The following LRCH3 variants were observed in gnomAD, a reference collection of about 807,000 sequenced individuals.
The protein encoded by LRCH3 is DISP complex protein LRCH3.
Under a neutral mutation model 104.5 loss-of-function variants are expected in LRCH3, and 68 were observed. The observed-to-expected ratio is 0.65, with a 90% CI of 0.54 to 0.80. The LOEUF is 0.80. Ranked by LOEUF, LRCH3 falls within the 30% of genes least tolerant of loss-of-function variation. The pLI, the probability that LRCH3 is intolerant of heterozygous loss-of-function variation, is 0.00. For synonymous variants in LRCH3, 344 were observed against 361.3 expected, an observed-to-expected ratio of 0.95 and a Z score of 0.54; for missense variants, 951 against 953.9, an observed-to-expected ratio of 1.00 and a Z score of 0.04.
At chr3:197,869,528 T>C (rs1308433330) in intron 17 of LRCH3, among the ~76,000 whole-genome samples, 1 of 147,516 alleles carries the variant, frequency 6.8e-6, no homozygotes, top group Non-Finnish European at 1.5e-5. Flanking sequence ...AGCCGTGCAC[T>C]GTACCTGCAG....
chr3:197,880,425 G>A, intron 20 of LRCH3: 1 of 1,000,790 alleles, frequency 1.0e-6, no homozygotes, highest in Non-Finnish European at 1.5e-6. Context: ...TGACTGAGAT[G>A]ATCATATGAA....
rs76401259 is a variant in LRCH3 at position 197,863,171 on chromosome 3, G to A, written c.1717-2252G>A. ...TTATGTCCAGAAATGTGCCTTAGTCGTATCATAAAGTTATAATATATTTAG... is the reference window on the plus strand; with the variant it reads ...TTATGTCCAGAAATGTGCCTTAGTCATATCATAAAGTTATAATATATTTAG... On this transcript the variant is annotated intron_variant, in intron 15 of 20. Transcript: ENST00000425562. Among the ~76,000 whole-genome samples, 65 of 152,196 alleles carry A rather than the reference G, an allele frequency of 4.3e-4. 2 individuals are homozygous for A. The East Asian group carries it at 7.3e-3, about 17-fold the overall frequency.
Position 197,854,588 on chromosome 3 carries a change from A to G in LRCH3, c.1644+143A>G. 2.5e-6 allele frequency: 2 copies of G among 796,270 alleles called. No homozygotes were observed. The highest frequency in any genetic ancestry group is 3.4e-4 in the Middle Eastern group (1 of 2,914). 49.3% of individuals were successfully genotyped at this position (796,270 alleles called of 1,614,324 possible). A position where few individuals can be genotyped will look rare whatever the true frequency, so the allele number is the denominator to read the frequency against. On this transcript the variant is annotated intron_variant, in intron 14 of 20. Transcript: ENST00000425562. The surrounding 1 kb of genome is among the most constrained non-coding windows in gnomAD (Gnocchi z 4.5). ...AAGAACTAAACCATTTTCCCACATG[A>G]CCATTTGTGATTGACCCAGTGTTTC...
intron 8 of LRCH3, among the ~76,000 whole-genome samples, chr3:197,833,364 CG>C (rs1560556468): frequency 2.8e-4 from 1 of 3,590 alleles, no homozygotes; most frequent in Non-Finnish European, 5.3e-4. Context: ...TACTAAAAAC[CG>C]AAAAAAAAAA....
intron 2 of LRCH3, among the ~76,000 whole-genome samples, chr3:197,815,350 A>G (rs1733684062): frequency 6.6e-6 from 1 of 152,230 alleles, no homozygotes; most frequent in Non-Finnish European, 1.5e-5. Context: ...AGCCTAGCCT[A>G]CTTTAAATGT....
chr3:197,792,571 C>G (rs1730654779), intron 1 of LRCH3, among the ~76,000 whole-genome samples: 1 of 11,792 alleles, frequency 8.5e-5, no homozygotes, highest in Non-Finnish European at 1.7e-4. Context: ...CCACGCCCAG[C>G]TAATTTTATA....
At chr3:197,845,766 G>A (rs973032753) in intron 10 of LRCH3, among the ~76,000 whole-genome samples, 1 of 152,104 alleles carries the variant, frequency 6.6e-6, no homozygotes, top group African/African-American at 2.4e-5. Context: ...TTAGCCGAGT[G>A]TGGTGGCGCA....
chr3:197,819,728 A>G (rs1734270358), intron 3 of LRCH3, among the ~76,000 whole-genome samples: 2 of 152,186 alleles, frequency 1.3e-5, no homozygotes, highest in South Asian at 4.1e-4. Context: ...AAAAAAAGAA[A>G]AAAAAAAGTC....
In LRCH3 at chr3:197,817,154, CTCTT is replaced by C; in HGVS notation, c.408-18_408-15del. 6.3e-7 allele frequency: 1 copy of C among 1,581,276 alleles called. No homozygotes were observed. The highest frequency in any genetic ancestry group is 2.4e-5 in the East Asian group (1 of 42,368). Reference sequence around the variant, plus strand: ...TTCAGTGGTGGACTCTGATTCTTCTCTCTTTCTACTTACCCATTTAGTCGGAACC... The same window carrying C: ...TTCAGTGGTGGACTCTGATTCTTCTCTCTACTTACCCATTTAGTCGGAACC... On this transcript the variant is annotated intron_variant, in intron 2 of 20. Coordinates refer to ENST00000425562, the MANE Select transcript of LRCH3 (RefSeq NM_001365715.1).
rs576204856 is a variant in LRCH3, at chr3:197,856,895, G to A, written c.1645-1939G>A. Among the ~76,000 whole-genome samples, 6 of 152,252 alleles carry A rather than the reference G, an allele frequency of 3.9e-5. No individual in the cohort carries two copies. In the East Asian group the frequency reaches 1.2e-3, roughly 29 times the overall value. ...TTATTAAATTGTTTTGTGATGAAAAGGTCTGATGAACGATATCATAAGGTA... is the reference window on the plus strand; with the variant it reads ...TTATTAAATTGTTTTGTGATGAAAAAGTCTGATGAACGATATCATAAGGTA... On this transcript the variant is annotated intron_variant, in intron 14 of 20. Transcript: ENST00000425562. This position sits in a 1 kb window ranked among gnomAD's most constrained non-coding sequence, Gnocchi z 4.2.
At chr3:197,836,236 A>C (rs1480350582) in intron 9 of LRCH3, among the ~76,000 whole-genome samples, 1 of 152,258 alleles carries the variant, frequency 6.6e-6, no homozygotes, top group Non-Finnish European at 1.5e-5. Flanking sequence ...GGCAACATGC[A>C]GACTTAACCA....
intron 14 of LRCH3, among the ~76,000 whole-genome samples, chr3:197,858,262 A>C (rs1740503684): frequency 6.6e-6 from 1 of 152,140 alleles, no homozygotes. Context: ...AATACAGCTA[A>C]CCAGTTGTTA....
chr3:197,843,951 T>C (rs1270077849), intron 10 of LRCH3, among the ~76,000 whole-genome samples: 1 of 152,214 alleles, frequency 6.6e-6, no homozygotes, highest in South Asian at 2.1e-4. Context: ...CAAGCATGTT[T>C]CAGGTACTGC....
chr3:197,864,878 G>A (rs1464500491), intron 15 of LRCH3, among the ~76,000 whole-genome samples: 1 of 151,560 alleles, frequency 6.6e-6, no homozygotes, highest in Non-Finnish European at 1.5e-5. Flanking sequence ...AAAATTAACT[G>A]GGCATGGTGA....
chr3:197,864,374 G>A (rs1001760601), intron 15 of LRCH3, among the ~76,000 whole-genome samples: 3 of 146,386 alleles, frequency 2.0e-5, no homozygotes, highest in African/African-American at 5.5e-5. Context: ...TTGGGAGGCC[G>A]AGGCAGGCGA....
intron 10 of LRCH3, among the ~76,000 whole-genome samples, chr3:197,841,480 A>T (rs1468102390): frequency 6.6e-6 from 1 of 152,162 alleles, no homozygotes. Flanking sequence ...ATATTAGGTC[A>T]ACCTGGATAA....
Position 197,856,676 on chromosome 3 carries a change from C to T in LRCH3, c.1645-2158C>T, listed in dbSNP as rs374163571. On this transcript the variant is annotated intron_variant, in intron 14 of 20. Transcript: ENST00000425562. The surrounding 1 kb of genome is among the most constrained non-coding windows in gnomAD (Gnocchi z 4.2). ...TGCTGAGATTACAGGCATGAGCCACCGTGCCCAGCTTGTTTATTCTTTTAT... is the reference window on the plus strand; with the variant it reads ...TGCTGAGATTACAGGCATGAGCCACTGTGCCCAGCTTGTTTATTCTTTTAT... Among the ~76,000 whole-genome samples the T allele has an allele frequency of 2.6e-5, 4 of 152,114 alleles. No homozygotes were observed. Among genetic ancestry groups the T allele is most frequent in the South Asian group, 2.1e-4 (1 of 4,824 alleles).
At chr3:197,879,947 ATTT>A (rs1327149985) in intron 20 of LRCH3, among the ~76,000 whole-genome samples, 2 of 123,326 alleles carry the variant, frequency 1.6e-5, no homozygotes, top group Non-Finnish European at 1.7e-5. Context: ...TGTGTATTGT[ATTT>A]TTTTTTTTTT....
At chr3:197,833,363 C>T (rs921804251) in intron 8 of LRCH3, among the ~76,000 whole-genome samples, 1 of 7,348 alleles carries the variant, frequency 1.4e-4, no homozygotes, top group Non-Finnish European at 2.7e-4. Context: ...CTACTAAAAA[C>T]CGAAAAAAAA....
Sources: gnomAD v4.1 joint callset for allele counts (sites outside exome capture counted in the v4.1 genomes callset) on GRCh38, gnomAD v4.1.1 for gene constraint, Gnocchi (gnomAD v3.1) non-coding constraint, MANE v1.5 for transcripts, NCBI Gene and HGNC (gene_info 2026-07-23, HGNC 2026-07-21) for gene names.